ANO5: variants seen among roughly 807,000 people sequenced by gnomAD.
The protein encoded by ANO5 is anoctamin-5.
In ANO5, 109 loss-of-function variants were observed where a neutral mutation model predicts 121.0. The ratio of observed to expected loss-of-function variants is 0.90; its 90% CI spans 0.77 to 1.06. The LOEUF (loss-of-function observed/expected upper bound fraction) is 1.06. Ranked by LOEUF, ANO5 falls within the 50% of genes least tolerant of loss-of-function variation. The pLI, the probability that ANO5 is intolerant of heterozygous loss-of-function variation, is 0.00. For synonymous variants in ANO5, 406 were observed against 359.9 expected (o/e 1.13, Z -1.45); for missense variants, 1,064 against 1,078.5 (o/e 0.99, Z 0.19).
intron 18 of ANO5, 80 bp downstream of exon 18, chr11:22,270,522 T>G: frequency 6.3e-7 from 1 of 1,578,324 alleles, no homozygotes; most frequent in Non-Finnish European, 8.7e-7. Flanking sequence ...CTTTCTGCCT[T>G]GCACATGGTA....
intron 5 of ANO5, among the ~76,000 whole-genome samples, chr11:22,221,623 A>G (rs1376339623): frequency 6.6e-6 from 1 of 151,906 alleles, no homozygotes; most frequent in African/African-American, 2.4e-5. Context: ...TATTTGTATT[A>G]CACATCACTT....
chr11:22,237,416 C>T (rs1443469880), intron 8 of ANO5, among the ~76,000 whole-genome samples: 2 of 151,954 alleles, frequency 1.3e-5, no homozygotes, highest in African/African-American at 4.8e-5. Flanking sequence ...TTTGAGACGG[C>T]GTCTTGCTGT....
At chr11:22,194,588 T>C (rs1851751654) in intron 1 of ANO5, among the ~76,000 whole-genome samples, 2 of 152,214 alleles carry the variant, frequency 1.3e-5, no homozygotes, top group African/African-American at 4.8e-5. Flanking sequence ...AGAAACCTCT[T>C]AGGCAGTCAC....
chr11:22,237,038 G>A (rs1853246478), intron 8 of ANO5, among the ~76,000 whole-genome samples: 1 of 152,156 alleles, frequency 6.6e-6, no homozygotes, highest in Admixed American at 6.5e-5. Flanking sequence ...TGAATAGCCA[G>A]TGTTTAAATT....
At position 22,193,389 on chromosome 11, in the gene ANO5, G is replaced by A; in HGVS notation, c.-104G>A. On this transcript the variant is annotated 5_prime_UTR_variant, in exon 1 of 22. Coordinates refer to ENST00000324559, the MANE Select transcript of ANO5 (RefSeq NM_213599.3). ...GAAGTCCAGCAGCAGCAACTCCGGC[G>A]GCCCACAGTCAGATTCAGCACCTGC... 2 of 1,524,226 alleles carry A rather than the reference G, an allele frequency of 1.3e-6. No homozygotes were observed. Among genetic ancestry groups the A allele is most frequent in the Non-Finnish European group, 8.8e-7 (1 of 1,135,558 alleles). The allele number at this position is 1,524,226 out of a possible 1,614,324, so 94.4% of individuals were successfully genotyped here. A position where few individuals can be genotyped will look rare whatever the true frequency, so the allele number is the denominator to read the frequency against.
rs1564935639 is a variant in ANO5, at chr11:22,250,226, C to A, written c.879-11C>A. 4 of 1,567,420 alleles carry A rather than the reference C, an allele frequency of 2.6e-6. No homozygotes were observed. The highest frequency in any genetic ancestry group is 3.4e-5 in the Admixed American group (2 of 59,370). ...TCCATATTCTGATTCTGTTTTTACTCTTTTTCACAGGAATTATTATGGAGA... is the reference window on the plus strand; with the variant it reads ...TCCATATTCTGATTCTGTTTTTACTATTTTTCACAGGAATTATTATGGAGA... On this transcript the variant is annotated splice_polypyrimidine_tract_variant and intron_variant, in intron 9 of 21. Coordinates refer to ENST00000324559, the MANE Select transcript of ANO5 (RefSeq NM_213599.3).
At chr11:22,215,176 GA>G (rs1045797250) in intron 3 of ANO5, among the ~76,000 whole-genome samples, 1 of 151,932 alleles carries the variant, frequency 6.6e-6, no homozygotes, top group African/African-American at 2.4e-5. Flanking sequence ...AATAACGACA[GA>G]TATGCAATTA....
chr11:22,193,105 C>G lies in ANO5; in HGVS notation c.-388C>G. 9.0e-7 allele frequency: 1 copy of G among 1,106,656 alleles called. No individual in the cohort carries two copies. Among genetic ancestry groups the G allele is most frequent in the Middle Eastern group, 4.2e-4 (1 of 2,382 alleles). The allele number at this position is 1,106,656 out of a possible 1,614,324, so 68.6% of individuals were successfully genotyped here. On this transcript the variant is annotated 5_prime_UTR_variant, in exon 1 of 22. Transcript: ENST00000324559. ...GGAGTGGAAAGGATCCTGGCGAGCA[C>G]CGGGAGGAGTGGCGGCTGCGGGATC... is the stretch of plus-strand genomic sequence containing the variant.
rs200975404 is a variant in ANO5, at chr11:22,270,507, TACTTCTTTCTG to T, written c.2029+66_2029+76del. On this transcript the variant is annotated intron_variant, in intron 18 of 21. Transcript: ENST00000324559. ...GAATGAGTGGTTTTTCAGCTCCAGA[TACTTCTTTCTG>T]CCTTGCACATGGTAGGTGTTCAATA... 0.023 allele frequency: 37,243 copies of T among 1,598,060 alleles called. 549 individuals are homozygous for T. Among genetic ancestry groups the T allele is most frequent in the Non-Finnish European group, 0.028 (32,582 of 1,167,348 alleles).
chr11:22,279,476 G>A, intron 21 of ANO5, 68 bp from the exon 22 acceptor site: 1 of 1,343,712 alleles, frequency 7.4e-7, no homozygotes, highest in East Asian at 2.3e-5. Context: ...GAAATGATTT[G>A]TAAAGACTTT....
At chr11:22,244,463 T>A (rs1190830614) in intron 9 of ANO5, among the ~76,000 whole-genome samples, 2 of 152,130 alleles carry the variant, frequency 1.3e-5, no homozygotes, top group Non-Finnish European at 2.9e-5. Flanking sequence ...GACATTTTTA[T>A]AGACTATATC....
chr11:22,269,546 A>C (rs954770334), intron 17 of ANO5, among the ~76,000 whole-genome samples: 2 of 107,716 alleles, frequency 1.9e-5, no homozygotes, highest in South Asian at 3.2e-4. Flanking sequence ...AAAGAAAAGG[A>C]AGGAAAGAAA....
Position 22,227,297 on chromosome 11 carries a change from T to C in ANO5, c.364-5T>C, listed in dbSNP as rs1590245750. The stretch of plus-strand genomic sequence containing the variant: ...TTCTGCTGTTTTGCCTTTTTTTTAA[T>C]GCAGGACTCGGAAGATGGAAGAACT... On this transcript the variant is annotated splice_polypyrimidine_tract_variant and splice_region_variant and intron_variant, in intron 6 of 21. Transcript: ENST00000324559. 1 of 1,613,124 alleles carries C rather than the reference T, an allele frequency of 6.2e-7. No individual in the cohort carries two copies. Among genetic ancestry groups the C allele is most frequent in the African/African-American group, 1.3e-5 (1 of 74,770 alleles).
intron 5 of ANO5, among the ~76,000 whole-genome samples, chr11:22,223,227 C>T (rs1342808241): frequency 6.6e-6 from 1 of 151,838 alleles, no homozygotes; most frequent in African/African-American, 2.4e-5. Context: ...TATAGTCATG[C>T]TTATGGAGAC....
chr11:22,198,141 G>A (rs542671493), intron 1 of ANO5, among the ~76,000 whole-genome samples: 2 of 152,282 alleles, frequency 1.3e-5, no homozygotes, highest in South Asian at 2.1e-4. Context: ...CCTCTTGAAT[G>A]TCCCGATGTT....
chr11:22,257,478 G>A (rs1038797606), intron 13 of ANO5, among the ~76,000 whole-genome samples: 2 of 152,086 alleles, frequency 1.3e-5, no homozygotes, highest in African/African-American at 4.8e-5. Flanking sequence ...TTCATATCAT[G>A]TGTAAGATAA....
At position 22,273,007 on chromosome 11, in the gene ANO5, G is replaced by A. The variant is rs776959563; in HGVS notation, c.2235+18G>A. On this transcript the variant is annotated intron_variant, in intron 19 of 21. Transcript: ENST00000324559. ...CAACTAATGTAAGTGGACCTATTTC[G>A]GTGGGGTGACTTTGTATTTCATTTT... 31 of 1,608,440 alleles carry A rather than the reference G, an allele frequency of 1.9e-5. No individual in the cohort carries two copies. Among genetic ancestry groups the A allele is most frequent in the African/African-American group, 4.0e-5 (3 of 74,824 alleles).
intron 21 of ANO5, among the ~76,000 whole-genome samples, chr11:22,277,633 C>T (rs1326003266): frequency 6.6e-6 from 1 of 151,212 alleles, no homozygotes; most frequent in Non-Finnish European, 1.5e-5. Flanking sequence ...TTCTTTTCTC[C>T]CTCTGTCTCT....
At chr11:22,228,043 C>A (rs1852906393) in intron 7 of ANO5, among the ~76,000 whole-genome samples, 1 of 151,894 alleles carries the variant, frequency 6.6e-6, no homozygotes, top group Admixed American at 6.6e-5. Flanking sequence ...CCTTCATTTA[C>A]AACTATTTTC....
Sources: allele counts gnomAD v4.1 joint callset (sites outside exome capture counted in the v4.1 genomes callset), GRCh38; gene constraint gnomAD v4.1.1; transcripts MANE v1.5; gene names NCBI Gene and HGNC (gene_info 2026-07-23, HGNC 2026-07-21).